Variants in FAM135B observed in about 807,000 individuals in gnomAD.
FAM135B encodes the protein family with sequence similarity 135 member B.
FAM135B carries 43 observed loss-of-function variants against 127.7 expected under a neutral mutation model. That is an observed-to-expected ratio of 0.34 (90% confidence interval 0.26 to 0.43). The LOEUF (loss-of-function observed/expected upper bound fraction) is 0.43, where lower values mean the gene tolerates loss of function less well. FAM135B is among the 20% of genes least tolerant of loss of function. The probability of loss-of-function intolerance (pLI) is 1.00; values close to 1 mark genes in which losing one functional copy is unlikely to be tolerated. For synonymous variants in FAM135B, 670 were observed against 665.1 expected (o/e 1.01, Z -0.11); for missense variants, 1,558 against 1,725.6 (o/e 0.90, Z 1.72).
chr8:138,198,202 G>C (rs1054349158), intron 7 of FAM135B, among the ~76,000 whole-genome samples: 1 of 152,188 alleles, frequency 6.6e-6, no homozygotes, highest in Non-Finnish European at 1.5e-5. Flanking sequence ...ATAAAGGGCA[G>C]TTCCCCTGCA....
chr8:138,273,203 T>G (rs948536436), intron 3 of FAM135B, among the ~76,000 whole-genome samples: 1 of 152,274 alleles, frequency 6.6e-6, no homozygotes, highest in South Asian at 2.1e-4. Context: ...AAATAATCTT[T>G]TTTTGTTTTG....
At chr8:138,184,826 T>C (rs1390446692) in intron 9 of FAM135B, among the ~76,000 whole-genome samples, 2 of 152,212 alleles carry the variant, frequency 1.3e-5, no homozygotes, top group Admixed American at 6.5e-5. Flanking sequence ...TGCACCATCA[T>C]CTCCAGGGAA....
chr8:138,134,928 A>G (rs755168087), intron 19 of FAM135B, among the ~76,000 whole-genome samples: 2 of 152,202 alleles, frequency 1.3e-5, no homozygotes, highest in South Asian at 2.1e-4. Context: ...GCCATTGTGA[A>G]TATCAAATAA....
intron 1 of FAM135B, among the ~76,000 whole-genome samples, chr8:138,375,980 A>G (rs1226281990): frequency 2.0e-5 from 3 of 151,730 alleles, no homozygotes; most frequent in Non-Finnish European, 2.9e-5. Flanking sequence ...TTCAGTCCTT[A>G]TTTTTTTGCT....
At chr8:138,473,114 C>T (rs1345509248) in intron 1 of FAM135B, among the ~76,000 whole-genome samples, 1 of 152,092 alleles carries the variant, frequency 6.6e-6, no homozygotes, top group African/African-American at 2.4e-5. Context: ...CCACATTAGA[C>T]TGTGATCATG....
chr8:138,337,750 A>T (rs1268098305), intron 2 of FAM135B, among the ~76,000 whole-genome samples: 1 of 152,194 alleles, frequency 6.6e-6, no homozygotes, highest in Non-Finnish European at 1.5e-5. Context: ...CAGAATTGGA[A>T]AAAACTACTT....
chr8:138,318,559 T>C (rs1389641365), intron 2 of FAM135B, among the ~76,000 whole-genome samples: 2 of 152,210 alleles, frequency 1.3e-5, no homozygotes, highest in Non-Finnish European at 2.9e-5. Flanking sequence ...CATTGAGCCA[T>C]TGGAAAGATC....
chr8:138,230,529 C>T (rs555412795), intron 7 of FAM135B, among the ~76,000 whole-genome samples: 1 of 152,240 alleles, frequency 6.6e-6, no homozygotes, highest in African/African-American at 2.4e-5. Context: ...GCTGGGAAGG[C>T]AAATTGAAAG....
chr8:138,140,807 A>G (rs1435303200), intron 17 of FAM135B, among the ~76,000 whole-genome samples: 1 of 152,184 alleles, frequency 6.6e-6, no homozygotes, highest in African/African-American at 2.4e-5. Context: ...TGAGGAGCAC[A>G]GAGATTAAAT....
chr8:138,188,593 G>C (rs1035827794), intron 9 of FAM135B, among the ~76,000 whole-genome samples: 1 of 152,154 alleles, frequency 6.6e-6, no homozygotes, highest in Non-Finnish European at 1.5e-5. Flanking sequence ...TGTGACTTGG[G>C]AATGTGTTTC....
At chr8:138,190,990 C>T (rs1402321449) in intron 9 of FAM135B, among the ~76,000 whole-genome samples, 2 of 152,210 alleles carry the variant, frequency 1.3e-5, no homozygotes, top group Non-Finnish European at 2.9e-5. Context: ...TATAGCCTGA[C>T]CACCTTGGGC....
chr8:138,417,434 A>G (rs1834229133), intron 1 of FAM135B, among the ~76,000 whole-genome samples: 1 of 152,106 alleles, frequency 6.6e-6, no homozygotes, highest in Admixed American at 6.5e-5. Context: ...ACTCACCCCC[A>G]GCCGTTCCTT....
intron 1 of FAM135B, among the ~76,000 whole-genome samples, chr8:138,430,085 A>T (rs1047052643): frequency 2.0e-5 from 3 of 152,126 alleles, no homozygotes; most frequent in African/African-American, 7.2e-5. Flanking sequence ...GTGATTGCAA[A>T]TTTAATGTAA....
intron 7 of FAM135B, among the ~76,000 whole-genome samples, chr8:138,227,039 A>G (rs542898336): frequency 6.6e-6 from 1 of 152,310 alleles, no homozygotes; most frequent in South Asian, 2.1e-4. Context: ...TCTCCAGAGC[A>G]TGCTCCATGA....
chr8:138,456,963 G>C (rs1836813526), intron 1 of FAM135B, among the ~76,000 whole-genome samples: 1 of 151,726 alleles, frequency 6.6e-6, no homozygotes, highest in African/African-American at 2.4e-5. Flanking sequence ...AATCATCCTG[G>C]GAAGCTTTGG....
intron 3 of FAM135B, among the ~76,000 whole-genome samples, chr8:138,292,967 A>G (rs1464829185): frequency 6.6e-6 from 1 of 152,126 alleles, no homozygotes; most frequent in Non-Finnish European, 1.5e-5. Context: ...ATGAAGAACA[A>G]ATCTAGAGGA....
intron 1 of FAM135B, among the ~76,000 whole-genome samples, chr8:138,426,989 T>C (rs1456662230): frequency 6.6e-6 from 1 of 152,066 alleles, no homozygotes; most frequent in Non-Finnish European, 1.5e-5. Flanking sequence ...AATACTATTC[T>C]ATATGGCAAT....
At chr8:138,448,660 A>G (rs1355608168) in intron 1 of FAM135B, among the ~76,000 whole-genome samples, 2 of 152,024 alleles carry the variant, frequency 1.3e-5, no homozygotes, top group African/African-American at 4.8e-5. Context: ...CTCAGCCTCC[A>G]TAATCACATG....
At chr8:138,211,766 C>G (rs1040010227) in intron 7 of FAM135B, among the ~76,000 whole-genome samples, 1 of 152,168 alleles carries the variant, frequency 6.6e-6, no homozygotes, top group African/African-American at 2.4e-5. Context: ...ATTGCCTCCA[C>G]TATAAAATAG....
Sources: gnomAD v4.1 joint callset for allele counts (sites outside exome capture counted in the v4.1 genomes callset) on GRCh38, gnomAD v4.1.1 for gene constraint, MANE v1.5 for transcripts, NCBI Gene and HGNC (gene_info 2026-07-23, HGNC 2026-07-21) for gene names.